The following SCHIP1 variants were observed in gnomAD, a reference collection of about 807,000 sequenced individuals.
The protein encoded by SCHIP1 is schwannomin-interacting protein 1.
SCHIP1 carries 8 observed loss-of-function variants against 29.7 expected under a neutral mutation model. The ratio of observed to expected loss-of-function variants is 0.27; its 90% CI spans 0.16 to 0.49. SCHIP1 has a LOEUF of 0.49. Ranked by LOEUF, SCHIP1 falls within the 20% of genes least tolerant of loss-of-function variation. SCHIP1 has a pLI of 0.99. For missense variants in SCHIP1, 193 were observed against 294.6 expected, an observed-to-expected ratio of 0.66 and a Z score of 2.52; for synonymous variants, 76 against 94.9, an observed-to-expected ratio of 0.80 and a Z score of 1.16.
chr3:159,359,604 G>T, the SCHIP1 span, among the ~76,000 whole-genome samples: 2 of 152,106 alleles, frequency 1.3e-5, no homozygotes, highest in African/African-American at 4.8e-5. Flanking sequence ...TTCCAAAATG[G>T]AATTTATTTC....
chr3:159,299,911 G>A, the SCHIP1 span, among the ~76,000 whole-genome samples: 1 of 152,088 alleles, frequency 6.6e-6, no homozygotes, highest in African/African-American at 2.4e-5. Flanking sequence ...GGGGACAGTA[G>A]GAGACTATAA....
chr3:159,600,463 G>A, the SCHIP1 span, among the ~76,000 whole-genome samples: 1 of 152,070 alleles, frequency 6.6e-6, no homozygotes, highest in Non-Finnish European at 1.5e-5. Context: ...TCTTCTACAT[G>A]GTCTAGCATA....
the SCHIP1 span, among the ~76,000 whole-genome samples, chr3:159,300,258 T>C: frequency 6.6e-6 from 1 of 151,562 alleles, no homozygotes; most frequent in African/African-American, 2.4e-5. Flanking sequence ...ACCAAGTTGA[T>C]GGGACTACAG....
chr3:159,725,113 A>G, the SCHIP1 span, among the ~76,000 whole-genome samples: 1 of 151,786 alleles, frequency 6.6e-6, no homozygotes, highest in East Asian at 1.9e-4. Context: ...CATTCATCTC[A>G]GTTTGATGCG....
chr3:159,278,628 G>A, the SCHIP1 span, among the ~76,000 whole-genome samples: 1 of 152,008 alleles, frequency 6.6e-6, no homozygotes, highest in South Asian at 2.1e-4. Context: ...TGTTCCAATT[G>A]TCATCTATTC....
the SCHIP1 span, among the ~76,000 whole-genome samples, chr3:159,825,535 T>C: frequency 6.6e-6 from 1 of 152,120 alleles, no homozygotes; most frequent in East Asian, 1.9e-4. Flanking sequence ...AGGTAGTCAA[T>C]AGAACTAATG....
At chr3:159,337,944 A>G in the SCHIP1 span, among the ~76,000 whole-genome samples, 3 of 152,202 alleles carry the variant, frequency 2.0e-5, no homozygotes, top group Non-Finnish European at 4.4e-5. Context: ...GGTCTGCCTG[A>G]AAAATGTCAA....
intron 3 of SCHIP1, chr3:159,887,087 A>G (rs1165111887): frequency 2.6e-5 from 4 of 153,362 alleles, no homozygotes; most frequent in African/African-American, 4.8e-5. Context: ...CAGCCAAACC[A>G]TATCAGAGAG....
chr3:159,522,221 A>C, the SCHIP1 span, among the ~76,000 whole-genome samples: 1 of 152,236 alleles, frequency 6.6e-6, no homozygotes, highest in Non-Finnish European at 1.5e-5. Context: ...AGCCCTCAGG[A>C]GAAAATGGAA....
chr3:159,451,568 A>AT, the SCHIP1 span, among the ~76,000 whole-genome samples: 1 of 152,352 alleles, frequency 6.6e-6, no homozygotes, highest in African/African-American at 2.4e-5. Context: ...ATCTGAAAAA[A>AT]ATAAATCAAT....
At chr3:159,817,743 T>G in the SCHIP1 span, among the ~76,000 whole-genome samples, 8 of 152,172 alleles carry the variant, frequency 5.3e-5, no homozygotes, top group African/African-American at 1.9e-4. Flanking sequence ...CCTGTTACCT[T>G]CTGGTGAAAT....
the SCHIP1 span, among the ~76,000 whole-genome samples, chr3:159,465,049 C>A: frequency 2.0e-5 from 3 of 152,220 alleles, no homozygotes; most frequent in African/African-American, 7.2e-5. Context: ...TTCCAGCCCC[C>A]AGAGAGCTCA....
At chr3:159,573,803 C>G in the SCHIP1 span, among the ~76,000 whole-genome samples, 1 of 152,028 alleles carries the variant, frequency 6.6e-6, no homozygotes, top group Admixed American at 6.5e-5. Context: ...AGGCTTTGTT[C>G]GTTTCTTTTT....
At chr3:159,421,608 T>C in the SCHIP1 span, among the ~76,000 whole-genome samples, 1 of 152,334 alleles carries the variant, frequency 6.6e-6, no homozygotes, top group East Asian at 1.9e-4. Context: ...TCTTTTCACT[T>C]GACAAATAGC....
At chr3:159,284,095 C>A in the SCHIP1 span, among the ~76,000 whole-genome samples, 1 of 152,198 alleles carries the variant, frequency 6.6e-6, no homozygotes, top group Non-Finnish European at 1.5e-5. Flanking sequence ...TTCCTTTGGT[C>A]TCTAATTTCA....
the SCHIP1 span, among the ~76,000 whole-genome samples, chr3:159,343,451 C>G: frequency 5.3e-5 from 8 of 152,206 alleles, no homozygotes. Flanking sequence ...AGTTGCTGGT[C>G]AGCTGGGCTT....
At chr3:159,347,123 C>T in the SCHIP1 span, among the ~76,000 whole-genome samples, 1 of 152,146 alleles carries the variant, frequency 6.6e-6, no homozygotes, top group African/African-American at 2.4e-5. Flanking sequence ...TGTTCCACAT[C>T]TATAGACGAT....
the SCHIP1 span, among the ~76,000 whole-genome samples, chr3:159,806,447 TCAAGA>T: frequency 1.3e-5 from 2 of 152,220 alleles, no homozygotes; most frequent in Admixed American, 1.3e-4. Flanking sequence ...ATAGAATGAC[TCAAGA>T]CAAGAAAGAA....
At chr3:159,828,506 G>A in the SCHIP1 span, among the ~76,000 whole-genome samples, 2 of 146,876 alleles carry the variant, frequency 1.4e-5, no homozygotes, top group Non-Finnish European at 3.0e-5. Flanking sequence ...TGTAGCTGAA[G>A]ATTTATGTAT....
Sources: allele counts gnomAD v4.1 joint callset (sites outside exome capture counted in the v4.1 genomes callset), GRCh38; gene constraint gnomAD v4.1.1; transcripts MANE v1.5; gene names NCBI Gene and HGNC (gene_info 2026-07-23, HGNC 2026-07-21).